RC3H1: variants seen among roughly 807,000 people sequenced by gnomAD.
The protein encoded by RC3H1 is roquin-1.
Under a neutral mutation model 138.2 loss-of-function variants are expected in RC3H1, and 50 were observed. The observed-to-expected ratio is 0.36, with a 90% confidence interval of 0.29 to 0.46. The LOEUF (loss-of-function observed/expected upper bound fraction) is 0.46, where lower values mean the gene tolerates loss of function less well. Among genes scored for constraint, RC3H1 ranks in the 20% least tolerant of loss-of-function variants. The probability of loss-of-function intolerance (pLI) is 1.00; values close to 1 mark genes in which losing one functional copy is unlikely to be tolerated. For missense variants in RC3H1, 1,031 were observed against 1,388.1 expected, an observed-to-expected ratio of 0.74 and a Z score of 4.09; for synonymous variants, 462 against 489.1, an observed-to-expected ratio of 0.94 and a Z score of 0.73.
rs967117088 is a variant in RC3H1, at chr1:173,934,650, A to T, written c.*4071T>A. On this transcript the variant is annotated 3_prime_UTR_variant, in exon 20 of 20. Coordinates refer to ENST00000367696, the MANE Select transcript of RC3H1 (RefSeq NM_172071.4). ...TTTGCCTACCAGTAGGGCAAATACC[A>T]CATTTGTGCATCACTGAGTAATAAC... 1.3e-5 allele frequency: 2 copies of T among 152,174 alleles called. No individual in the cohort carries two copies. Among genetic ancestry groups the T allele is most frequent in the African/African-American group, 4.8e-5 (2 of 41,454 alleles). The allele number at this position is 152,174 out of a possible 1,614,324, so 9.4% of individuals were successfully genotyped here. A position where few individuals can be genotyped will look rare whatever the true frequency, so the allele number is the denominator to read the frequency against.
intron 1 of RC3H1, among the ~76,000 whole-genome samples, chr1:174,001,087 AT>A (rs1557951374): frequency 6.6e-6 from 1 of 152,216 alleles, no homozygotes. Flanking sequence ...GAGGGAAAAA[AT>A]AGCTTGAAAA....
chr1:173,961,919 A>G lies in RC3H1; in HGVS notation c.2008T>C (p.Tyr670His). 1 of 1,614,116 alleles carries G rather than the reference A, an allele frequency of 6.2e-7. No homozygotes were observed. The highest frequency in any genetic ancestry group is 1.1e-5 in the South Asian group (1 of 91,070). ...QQYPPIYPSH[Y>H]DGRRVYPAPS... ...GCAGGGTACACTCGACGGCCATCATAGTGAGATGGGTATATAGGTGGGTAC... is the reference window on the plus strand; with the variant it reads ...GCAGGGTACACTCGACGGCCATCATGGTGAGATGGGTATATAGGTGGGTAC... Residue 670 changes from tyrosine to histidine, a missense_variant, in exon 12 of 20, where the codon TAT (tyrosine) becomes CAT (histidine). Physicochemically the swap from Tyr to His is moderately conservative, Grantham distance 83. Coordinates refer to ENST00000367696, the MANE Select transcript of RC3H1 (RefSeq NM_172071.4).
rs1660005629 is a variant in RC3H1 at position 173,964,279 on chromosome 1, C to T, written c.1617-92G>A. 3.6e-5 allele frequency: 36 copies of T among 1,013,022 alleles called. 2 individuals are homozygous for T. In the South Asian group the frequency reaches 5.3e-4, roughly 15 times the overall value. The allele number at this position is 1,013,022 out of a possible 1,614,324, so 62.8% of individuals were successfully genotyped here. ...AAAAAGATTGCTACAATTTGGGAAA[C>T]TCACTTATTCTAATAGTCCTCCCTT... is the stretch of plus-strand genomic sequence containing the variant. On this transcript the variant is annotated intron_variant, in intron 10 of 19. Transcript: ENST00000367696.
intron 1 of RC3H1, among the ~76,000 whole-genome samples, chr1:174,018,568 T>A (rs989049819): frequency 6.6e-6 from 1 of 152,206 alleles, no homozygotes; most frequent in Admixed American, 6.5e-5. Flanking sequence ...TAATCTTTTA[T>A]CATAACCTCT....
At chr1:173,945,068 G>A (rs962674510) in intron 17 of RC3H1, among the ~76,000 whole-genome samples, 4 of 151,648 alleles carry the variant, frequency 2.6e-5, no homozygotes, top group Non-Finnish European at 5.9e-5. Flanking sequence ...CGTAAAGGAT[G>A]ATGTATAAAC....
intron 1 of RC3H1, among the ~76,000 whole-genome samples, chr1:173,997,176 G>A (rs1661476227): frequency 6.6e-6 from 1 of 152,126 alleles, no homozygotes; most frequent in African/African-American, 2.4e-5. Context: ...AGTGAGTCAT[G>A]TTTGCTCCAC....
At chr1:173,992,707 G>A in intron 2 of RC3H1, 48 bp downstream of exon 2, 2 of 1,361,508 alleles carry the variant, frequency 1.5e-6, no homozygotes, top group South Asian at 1.2e-5. Context: ...CACAGAGAGA[G>A]AGAGAGAGAG....
At chr1:174,015,894 ACTAT>A (rs1182014925) in intron 1 of RC3H1, 1 of 152,034 alleles carries the variant, frequency 6.6e-6, no homozygotes, top group Non-Finnish European at 1.5e-5. Context: ...ATTTGTTGAC[ACTAT>A]CTACTTCAAG....
At chr1:173,943,702 T>G in intron 17 of RC3H1, 87 bp from the exon 18 acceptor site, 2 of 1,323,906 alleles carry the variant, frequency 1.5e-6, no homozygotes, top group Non-Finnish European at 2.0e-6. Context: ...ACCACAGCCT[T>G]GAGTAGCTTA....
Position 174,022,136 on chromosome 1 carries a change from C to T in RC3H1, c.-191G>A. ...AGCAGCTCCTCTCAGCTCCGAGTCCCCGCGGCCGTCGCCACCGCCGCGGCA... is the reference window on the plus strand; with the variant it reads ...AGCAGCTCCTCTCAGCTCCGAGTCCTCGCGGCCGTCGCCACCGCCGCGGCA... On this transcript the variant is annotated 5_prime_UTR_variant, in exon 1 of 20. Coordinates refer to ENST00000367696, the MANE Select transcript of RC3H1 (RefSeq NM_172071.4). This position sits in a 1 kb window ranked among gnomAD's most constrained non-coding sequence, Gnocchi z 4.2. 2 of 396,762 alleles carry T rather than the reference C, an allele frequency of 5.0e-6. No individual in the cohort carries two copies. The highest frequency in any genetic ancestry group is 8.9e-5 in the Admixed American group (2 of 22,572). The allele number at this position is 396,762 out of a possible 1,614,324, so 24.6% of individuals were successfully genotyped here. A position where few individuals can be genotyped will look rare whatever the true frequency, so the allele number is the denominator to read the frequency against.
chr1:174,005,199 A>G (rs1169041435), intron 1 of RC3H1, among the ~76,000 whole-genome samples: 1 of 152,184 alleles, frequency 6.6e-6, no homozygotes, highest in African/African-American at 2.4e-5. Flanking sequence ...ACAAGAGTAC[A>G]TGAAACAAAG....
rs1658554919 is a variant in RC3H1 at position 173,935,729 on chromosome 1, A to G, written c.*2992T>C. 1 of 152,230 alleles carries G rather than the reference A, an allele frequency of 6.6e-6. No individual in the cohort carries two copies. Among genetic ancestry groups the G allele is most frequent in the Admixed American group, 6.5e-5 (1 of 15,278 alleles). 9.4% of individuals were successfully genotyped at this position (152,230 alleles called of 1,614,324 possible). A position where few individuals can be genotyped will look rare whatever the true frequency, so the allele number is the denominator to read the frequency against. ...AGGAAAAGGAAAAAAAGCAAAAAACAAAAAACAAATTTTGGGGGTGTTAGT... is the reference window on the plus strand; with the variant it reads ...AGGAAAAGGAAAAAAAGCAAAAAACGAAAAACAAATTTTGGGGGTGTTAGT... On this transcript the variant is annotated 3_prime_UTR_variant, in exon 20 of 20. Transcript: ENST00000367696.
chr1:174,005,290 C>A (rs1229629285), intron 1 of RC3H1, among the ~76,000 whole-genome samples: 1 of 152,114 alleles, frequency 6.6e-6, no homozygotes, highest in African/African-American at 2.4e-5. Context: ...CACAAGTGGC[C>A]TCAGGGGAGA....
At chr1:173,961,675 G>C in intron 12 of RC3H1, 50 bp downstream of exon 12, 1 of 1,527,988 alleles carries the variant, frequency 6.5e-7, no homozygotes, top group Non-Finnish European at 8.8e-7. Context: ...AGGAATCACA[G>C]CAAGCAACAG....
intron 13 of RC3H1, among the ~76,000 whole-genome samples, chr1:173,955,023 G>A (rs766451208): frequency 2.6e-5 from 4 of 151,358 alleles, no homozygotes; most frequent in East Asian, 1.9e-4. Flanking sequence ...TCAGGAGATC[G>A]AGACCATCCT....
At chr1:173,956,116 GC>G (rs1407611530) in intron 13 of RC3H1, among the ~76,000 whole-genome samples, 3 of 135,086 alleles carry the variant, frequency 2.2e-5, no homozygotes, top group African/African-American at 9.2e-5. Flanking sequence ...GGGCAACAGA[GC>G]AAGAGTCTGT....
At position 173,943,546 on chromosome 1, in the gene RC3H1, G is replaced by A. The variant is rs1255317858; in HGVS notation, c.3031C>T (p.Pro1011Ser). The A allele has an allele frequency of 4.3e-6, 7 of 1,614,024 alleles. No individual in the cohort carries two copies. The highest frequency in any genetic ancestry group is 5.1e-6 in the Non-Finnish European group (6 of 1,180,008). ...TLAGQSQPPP[P>S]PPPKWPGMIS... ...ATCCCAGGCCATTTTGGAGGTGGCG[G>A]TGGTGGGGGCTGTGACTGGCCTGCC... The change falls in exon 18 of 20, where the codon CCG (proline) becomes TCG (serine). Residue 1011 changes from proline (P) to serine (S), a missense_variant. Pro to Ser is a moderately conservative substitution (Grantham distance 74). This residue lies in a region of RC3H1 where 716 missense variants were observed against 837.9 expected (regional missense o/e 0.85). Transcript: ENST00000367696.
At chr1:173,961,037 A>C in intron 13 of RC3H1, 40 bp downstream of exon 13, 1 of 1,592,240 alleles carries the variant, frequency 6.3e-7, no homozygotes, top group Non-Finnish European at 8.6e-7. Context: ...GACACACACA[A>C]AAAAACACGG....
chr1:173,983,259 C>T lies in RC3H1; in HGVS notation c.592+159G>A, dbSNP rs1412499586. On this transcript the variant is annotated intron_variant, in intron 4 of 19. Transcript: ENST00000367696. ...TCACTAAGTTCACCTAGTAAGTCCA[C>T]TAAGTTACATGGAATTGCCCAAGCC... 3.9e-5 allele frequency among the ~76,000 whole-genome samples: 6 copies of T among 152,146 alleles called. 1 individual carries two copies. In the East Asian group the frequency reaches 1.2e-3, roughly 29 times the overall value.
Sources: gnomAD v4.1 joint callset for allele counts (sites outside exome capture counted in the v4.1 genomes callset) on GRCh38, gnomAD v4.1.1 for gene constraint, gnomAD v4.1.1 regional missense constraint, Gnocchi (gnomAD v3.1) non-coding constraint, MANE v1.5 for transcripts, NCBI Gene and HGNC (gene_info 2026-07-23, HGNC 2026-07-21) for gene names.